The following SNX6 variants were observed in gnomAD, a reference collection of about 807,000 sequenced individuals.
SNX6 encodes sorting nexin-6.
SNX6 carries 34 observed loss-of-function variants against 63.0 expected under a neutral mutation model. The ratio of observed to expected loss-of-function variants is 0.54; its 90% CI spans 0.41 to 0.72. The LOEUF is 0.72. SNX6 is among the 30% of genes least tolerant of loss of function. The probability of loss-of-function intolerance (pLI) is 0.00; values close to 1 mark genes in which losing one functional copy is unlikely to be tolerated. For synonymous variants in SNX6, 170 were observed against 164.2 expected, an observed-to-expected ratio of 1.04 and a Z score of -0.27; for missense variants, 398 against 471.4, an observed-to-expected ratio of 0.84 and a Z score of 1.44.
At chr14:34,608,488 C>G (rs1050148961) in intron 3 of SNX6, among the ~76,000 whole-genome samples, 1 of 152,088 alleles carries the variant, frequency 6.6e-6, no homozygotes, top group Admixed American at 6.6e-5. Context: ...TAAATATTTT[C>G]TATCATTTAA....
At position 34,567,093 on chromosome 14, in the gene SNX6, A is replaced by G. The variant is rs1041025957; in HGVS notation, c.1167+593T>C. Among the ~76,000 whole-genome samples the G allele has an allele frequency of 6.6e-5, 10 of 151,954 alleles. 1 individual carries two copies. In the South Asian group the frequency reaches 1.0e-3, roughly 16 times the overall value. On this transcript the variant is annotated intron_variant, in intron 13 of 13. Transcript: ENST00000362031. ...ACAAAAATTAGCTGGGTGTGGTGGC[A>G]CGCACCTGTAGTCCTAGCTACTCGG... is the stretch of plus-strand genomic sequence containing the variant.
intron 2 of SNX6, among the ~76,000 whole-genome samples, chr14:34,615,934 A>G (rs902257257): frequency 9.2e-5 from 14 of 152,106 alleles, no homozygotes; most frequent in Non-Finnish European, 1.8e-4. Context: ...TTTTTATAAC[A>G]TATCTGAAAT....
intron 7 of SNX6, among the ~76,000 whole-genome samples, chr14:34,595,583 A>G (rs1327005647): frequency 2.6e-5 from 4 of 152,236 alleles, no homozygotes; most frequent in Admixed American, 2.6e-4. Flanking sequence ...ATTATAATCA[A>G]CATAGTGGTT....
intron 2 of SNX6, among the ~76,000 whole-genome samples, chr14:34,616,611 C>G (rs578251979): frequency 2.0e-5 from 3 of 152,184 alleles, no homozygotes; most frequent in African/African-American, 7.2e-5. Flanking sequence ...ACCTCCTGAC[C>G]CCGTTTGGCT....
chr14:34,576,872 G>A (rs929737788), intron 10 of SNX6, among the ~76,000 whole-genome samples: 9 of 150,786 alleles, frequency 6.0e-5, no homozygotes, highest in East Asian at 2.1e-4. Context: ...TCATGAGGTC[G>A]GGAGTTCGAG....
intron 5 of SNX6, chr14:34,604,185 A>G: frequency 7.8e-7 from 1 of 1,288,504 alleles, no homozygotes; most frequent in South Asian, 1.2e-5. Context: ...CTGTGAGGGT[A>G]GTCATTCAGT....
chr14:34,613,606 C>T (rs1446499580), intron 2 of SNX6, among the ~76,000 whole-genome samples: 1 of 149,994 alleles, frequency 6.7e-6, no homozygotes, highest in East Asian at 2.0e-4. Context: ...TCCTGGCTAA[C>T]ACAGTGAAAC....
At chr14:34,620,485 C>T (rs1228622957) in intron 2 of SNX6, among the ~76,000 whole-genome samples, 1 of 151,700 alleles carries the variant, frequency 6.6e-6, no homozygotes, top group African/African-American at 2.4e-5. Flanking sequence ...TGTCAAAAAA[C>T]AAAAACAAAA....
intron 2 of SNX6, among the ~76,000 whole-genome samples, chr14:34,625,040 C>T (rs574123580): frequency 1.1e-4 from 16 of 151,932 alleles, no homozygotes; most frequent in African/African-American, 3.4e-4. Flanking sequence ...CTCAGCCTCC[C>T]GAGTAGGTGG....
At chr14:34,593,022 C>G (rs1174583725) in intron 8 of SNX6, 23 bp downstream of exon 8, 2 of 1,438,642 alleles carry the variant, frequency 1.4e-6, no homozygotes, top group Non-Finnish European at 9.7e-7. Flanking sequence ...AAGATATAAG[C>G]TTTAGCCACA....
At chr14:34,611,064 T>C (rs575148606) in intron 2 of SNX6, among the ~76,000 whole-genome samples, 1 of 152,248 alleles carries the variant, frequency 6.6e-6, no homozygotes, top group Admixed American at 6.5e-5. Flanking sequence ...CAGTGCTCTG[T>C]TCACTACAAC....
At chr14:34,572,907 C>A (rs951458056) in intron 11 of SNX6, among the ~76,000 whole-genome samples, 4 of 152,024 alleles carry the variant, frequency 2.6e-5, no homozygotes, top group Non-Finnish European at 5.9e-5. Flanking sequence ...TGGTCTTGAT[C>A]TCCTGACCTC....
chr14:34,628,650 A>C (rs1403056329), intron 2 of SNX6, among the ~76,000 whole-genome samples: 1 of 152,158 alleles, frequency 6.6e-6, no homozygotes, highest in East Asian at 1.9e-4. Flanking sequence ...TAAATAAATA[A>C]AAGTTTTATA....
chr14:34,578,412 A>G (rs1232095120), intron 10 of SNX6, among the ~76,000 whole-genome samples: 8 of 151,820 alleles, frequency 5.3e-5, no homozygotes. Context: ...TGGGTGGAAT[A>G]CTTGAGGTCA....
intron 2 of SNX6, among the ~76,000 whole-genome samples, chr14:34,624,492 C>A (rs1009524534): frequency 6.6e-6 from 1 of 152,122 alleles, no homozygotes; most frequent in Admixed American, 6.6e-5. Flanking sequence ...TTTTAAAACA[C>A]TGACTTTAAT....
intron 2 of SNX6, among the ~76,000 whole-genome samples, chr14:34,614,201 TG>T (rs1057203049): frequency 6.6e-6 from 1 of 151,742 alleles, no homozygotes; most frequent in African/African-American, 2.4e-5. Flanking sequence ...CTGAGGCGAT[TG>T]GAACACTTGA....
In SNX6 at chr14:34,570,270, T is replaced by C. The variant is rs148539189; in HGVS notation, c.922-2257A>G. The stretch of plus-strand genomic sequence containing the variant: ...TTTTAGTAGAGACAGGGTTTCTCCA[T>C]GGTCATGCTGGTCTTGAACTCCCGA... On this transcript the variant is annotated intron_variant, in intron 11 of 13. Coordinates refer to ENST00000362031, the MANE Select transcript of SNX6 (RefSeq NM_152233.4). 3.9e-3 allele frequency among the ~76,000 whole-genome samples: 589 copies of C among 152,082 alleles called. 2 individuals carry two copies. The highest frequency in any genetic ancestry group is 6.2e-3 in the Non-Finnish European group (420 of 67,986).
At chr14:34,580,374 C>G (rs1257221858) in intron 10 of SNX6, among the ~76,000 whole-genome samples, 1 of 152,124 alleles carries the variant, frequency 6.6e-6, no homozygotes, top group Non-Finnish European at 1.5e-5. Context: ...ACAATCATAA[C>G]TCACTATAAC....
At chr14:34,619,888 T>C (rs1883561579) in intron 2 of SNX6, among the ~76,000 whole-genome samples, 1 of 152,140 alleles carries the variant, frequency 6.6e-6, no homozygotes, top group African/African-American at 2.4e-5. Flanking sequence ...TTTATTTATT[T>C]TTTTATAGAG....
Sources: gnomAD v4.1 joint callset for allele counts (sites outside exome capture counted in the v4.1 genomes callset) on GRCh38, gnomAD v4.1.1 for gene constraint, MANE v1.5 for transcripts, NCBI Gene and HGNC (gene_info 2026-07-23, HGNC 2026-07-21) for gene names.